Variants in GPATCH2 observed in about 807,000 individuals in gnomAD.
GPATCH2 encodes the protein G patch domain-containing protein 2.
In GPATCH2, 51 loss-of-function variants were observed where a neutral mutation model predicts 58.0. The observed-to-expected ratio is 0.88, with a 90% CI of 0.70 to 1.11. The LOEUF is 1.11. GPATCH2 is among the 50% of genes most tolerant of loss of function. The pLI, the probability that GPATCH2 is intolerant of heterozygous loss-of-function variation, is 0.00. For synonymous variants in GPATCH2, 222 were observed against 218.5 expected, an observed-to-expected ratio of 1.02 and a Z score of -0.14; for missense variants, 625 against 652.2, an observed-to-expected ratio of 0.96 and a Z score of 0.45.
intron 2 of GPATCH2, among the ~76,000 whole-genome samples, chr1:217,616,588 G>T (rs1668896138): frequency 6.6e-6 from 1 of 152,124 alleles, no homozygotes; most frequent in African/African-American, 2.4e-5. Context: ...CACCTCATTG[G>T]TATCTAGAGT....
intron 5 of GPATCH2, among the ~76,000 whole-genome samples, chr1:217,578,405 C>T (rs942455703): frequency 6.6e-6 from 1 of 151,968 alleles, no homozygotes; most frequent in Admixed American, 6.6e-5. Context: ...CACATGCCAC[C>T]AGGCCCGACT....
intron 6 of GPATCH2, among the ~76,000 whole-genome samples, chr1:217,499,159 G>T (rs1010385062): frequency 6.6e-6 from 1 of 152,134 alleles, no homozygotes; most frequent in African/African-American, 2.4e-5. Flanking sequence ...CTAGGAGATT[G>T]AGAGAGGTAT....
At chr1:217,484,416 T>C (rs1453085249) in intron 8 of GPATCH2, among the ~76,000 whole-genome samples, 2 of 151,852 alleles carry the variant, frequency 1.3e-5, no homozygotes, top group African/African-American at 2.4e-5. Context: ...TTCCTGGTTC[T>C]CAGGCCCTCA....
At chr1:217,621,479 A>G (rs915043519) in intron 1 of GPATCH2, among the ~76,000 whole-genome samples, 3 of 152,212 alleles carry the variant, frequency 2.0e-5, no homozygotes, top group Non-Finnish European at 1.5e-5. Context: ...CAGCAGGAGT[A>G]GGCTTTTATG....
chr1:217,468,704 G>A lies in GPATCH2; in HGVS notation c.1278-19367C>T, dbSNP rs116484883. On this transcript the variant is annotated intron_variant, in intron 8 of 9. Transcript: ENST00000366935. ...GCATATATACATATTCATATATTAA[G>A]GGATTATTGTTATTTTTTATAGATG... 9.8e-3 allele frequency among the ~76,000 whole-genome samples: 1,490 copies of A among 151,984 alleles called. 33 individuals carry two copies. Among genetic ancestry groups the A allele is most frequent in the African/African-American group, 0.034 (1,393 of 41,472 alleles).
At chr1:217,471,120 T>C (rs934321770) in intron 8 of GPATCH2, among the ~76,000 whole-genome samples, 24 of 151,868 alleles carry the variant, frequency 1.6e-4, no homozygotes, top group Non-Finnish European at 3.5e-4. Context: ...ATATATAAAA[T>C]ATAAAATGTC....
At chr1:217,482,215 C>G (rs1661244359) in intron 8 of GPATCH2, among the ~76,000 whole-genome samples, 2 of 152,108 alleles carry the variant, frequency 1.3e-5, no homozygotes, top group Non-Finnish European at 2.9e-5. Context: ...ATATTTTATG[C>G]AACAAACATT....
intron 5 of GPATCH2, among the ~76,000 whole-genome samples, chr1:217,520,752 AG>A (rs1192277491): frequency 6.6e-6 from 1 of 152,218 alleles, no homozygotes; most frequent in African/African-American, 2.4e-5. Context: ...TGATCACAAA[AG>A]ATATATCAAA....
At chr1:217,433,521 C>T (rs763686271) in intron 9 of GPATCH2, among the ~76,000 whole-genome samples, 11 of 151,710 alleles carry the variant, frequency 7.3e-5, no homozygotes, top group Non-Finnish European at 1.6e-4. Context: ...CTCAGCCTCC[C>T]GAGTACCTGG....
intron 5 of GPATCH2, among the ~76,000 whole-genome samples, chr1:217,607,532 G>C (rs867122042): frequency 1.3e-5 from 2 of 152,052 alleles, no homozygotes; most frequent in African/African-American, 4.8e-5. Flanking sequence ...TAGTGCTATT[G>C]GCCATGAGTT....
intron 5 of GPATCH2, among the ~76,000 whole-genome samples, chr1:217,531,930 A>G (rs757772468): frequency 3.3e-5 from 5 of 152,232 alleles, no homozygotes; most frequent in African/African-American, 1.2e-4. Context: ...GAAACTGGAA[A>G]TCACCAATTA....
At chr1:217,506,408 T>C (rs561234687) in intron 6 of GPATCH2, among the ~76,000 whole-genome samples, 1 of 152,280 alleles carries the variant, frequency 6.6e-6, no homozygotes, top group South Asian at 2.1e-4. Context: ...GCCAAACTCC[T>C]AACCCAATAT....
At chr1:217,494,596 G>A (rs981028938) in intron 7 of GPATCH2, among the ~76,000 whole-genome samples, 4 of 151,984 alleles carry the variant, frequency 2.6e-5, no homozygotes, top group South Asian at 2.1e-4. Context: ...AAAATTAGCC[G>A]GGCATGGTGG....
At chr1:217,431,474 A>G in intron 9 of GPATCH2, 109 bp from the exon 10 acceptor site, 1 of 690,586 alleles carries the variant, frequency 1.4e-6, no homozygotes, top group Non-Finnish European at 2.6e-6. Flanking sequence ...TTTTTCAACC[A>G]GGTACTAGAG....
chr1:217,554,667 A>G (rs1032917005), intron 5 of GPATCH2, among the ~76,000 whole-genome samples: 4 of 152,182 alleles, frequency 2.6e-5, no homozygotes, highest in South Asian at 2.1e-4. Context: ...TCTAACTGTA[A>G]ATCTGTTTTG....
intron 8 of GPATCH2, among the ~76,000 whole-genome samples, chr1:217,472,058 A>G (rs540283375): frequency 6.6e-6 from 1 of 152,302 alleles, no homozygotes; most frequent in East Asian, 1.9e-4. Flanking sequence ...AAAATCATAT[A>G]AGAAAACATG....
rs553174078 is a variant in GPATCH2 at position 217,622,637 on chromosome 1, G to A, written c.57-2138C>T. ...CGGCTCACTGCAACTTCTGCCTCCC[G>A]GGTTCAAGTGATTCTCCTGCCTTAA... On this transcript the variant is annotated intron_variant, in intron 1 of 9. Coordinates refer to ENST00000366935, the MANE Select transcript of GPATCH2 (RefSeq NM_018040.5). Among the ~76,000 whole-genome samples the A allele has an allele frequency of 5.9e-5, 9 of 152,246 alleles. No individual in the cohort carries two copies. In the East Asian group the frequency reaches 1.5e-3, roughly 26 times the overall value.
intron 5 of GPATCH2, among the ~76,000 whole-genome samples, chr1:217,568,636 G>A (rs1464063753): frequency 6.6e-6 from 1 of 152,202 alleles, no homozygotes; most frequent in Non-Finnish European, 1.5e-5. Context: ...GGAGCATGCA[G>A]GCAAGACTGC....
intron 6 of GPATCH2, among the ~76,000 whole-genome samples, chr1:217,510,454 T>C (rs1662790829): frequency 6.6e-6 from 1 of 150,880 alleles, no homozygotes; most frequent in African/African-American, 2.4e-5. Context: ...AAACTCCTGT[T>C]TAATATATAT....
Sources: allele counts gnomAD v4.1 joint callset (sites outside exome capture counted in the v4.1 genomes callset), GRCh38; gene constraint gnomAD v4.1.1; transcripts MANE v1.5; gene names NCBI Gene and HGNC (gene_info 2026-07-23, HGNC 2026-07-21).